The following GNG11 variants were observed in gnomAD, a reference collection of about 807,000 sequenced individuals.
GNG11 encodes the protein G protein subunit gamma 11.
A neutral mutation model predicts 7.4 loss-of-function variants in GNG11; 6 were observed. That is an observed-to-expected ratio of 0.81 (90% confidence interval 0.44 to 1.60). The LOEUF is 1.60. GNG11 is among the 40% of genes most tolerant of loss of function. The pLI is 0.01. For synonymous variants in GNG11, 31 were observed against 25.9 expected, an observed-to-expected ratio of 1.20 and a Z score of -0.60; for missense variants, 65 against 83.0, an observed-to-expected ratio of 0.78 and a Z score of 0.84.
At chr7:93,923,191 G>A (rs1420016040) in intron 1 of GNG11, among the ~76,000 whole-genome samples, 1 of 152,250 alleles carries the variant, frequency 6.6e-6, no homozygotes, top group Non-Finnish European at 1.5e-5. Flanking sequence ...GAAAAACAAT[G>A]GAAATGAAGC....
chr7:93,927,698 G>C lies in GNG11; in HGVS notation c.*1482G>C, dbSNP rs539779329. 2 of 152,198 alleles carry C rather than the reference G, an allele frequency of 1.3e-5. No individual in the cohort carries two copies. The highest frequency in any genetic ancestry group is 4.1e-4 in the South Asian group (2 of 4,828). 9.4% of individuals were successfully genotyped at this position (152,198 alleles called of 1,614,324 possible). A position where few individuals can be genotyped will look rare whatever the true frequency, so the allele number is the denominator to read the frequency against. On this transcript the variant is annotated 3_prime_UTR_variant, in exon 2 of 2. Transcript: ENST00000248564. Reference sequence around the variant, plus strand: ...AAATTCCTTTCCTTTCCCTCTCTGGGAAAGAACAGAATACCCCAGGCTTTT... The same window carrying C: ...AAATTCCTTTCCTTTCCCTCTCTGGCAAAGAACAGAATACCCCAGGCTTTT...
intron 1 of GNG11, among the ~76,000 whole-genome samples, chr7:93,924,381 T>C (rs1029676757): frequency 6.6e-6 from 1 of 152,186 alleles, no homozygotes; most frequent in Non-Finnish European, 1.5e-5. Context: ...GCTGAGAAAT[T>C]AACCTGGGAC....
rs1205679944 is a variant in GNG11 at position 93,925,787 on chromosome 7, G to T, written c.97-304G>T. On this transcript the variant is annotated intron_variant, in intron 1 of 1. Transcript: ENST00000248564. ...ACAATGGAAAAAAACTGCTGGAGATGATTTATTTAATGCAGTGACTTTCAA... is the reference window on the plus strand; with the variant it reads ...ACAATGGAAAAAAACTGCTGGAGATTATTTATTTAATGCAGTGACTTTCAA... Among the ~76,000 whole-genome samples the T allele has an allele frequency of 2.6e-5, 4 of 152,212 alleles. No individual in the cohort carries two copies. The East Asian group carries it at 7.7e-4, about 29-fold the overall frequency.
intron 1 of GNG11, among the ~76,000 whole-genome samples, chr7:93,924,879 G>A (rs1049039872): frequency 6.6e-6 from 1 of 152,138 alleles, no homozygotes; most frequent in African/African-American, 2.4e-5. Flanking sequence ...AAATTTGCTG[G>A]TGCGGCCTGG....
Position 93,922,016 on chromosome 7 carries a change from G to C in GNG11, c.-122G>C. On this transcript the variant is annotated 5_prime_UTR_variant, in exon 1 of 2. Transcript: ENST00000248564. Reference sequence around the variant, plus strand: ...AGCTGGGGACCGCAGCAGGGCTGCAGTCACATCCTGCGCGGGTGGGCGGCG... The same window carrying C: ...AGCTGGGGACCGCAGCAGGGCTGCACTCACATCCTGCGCGGGTGGGCGGCG... The C allele has an allele frequency of 5.2e-6, 3 of 573,238 alleles. No homozygotes were observed. The highest frequency in any genetic ancestry group is 9.3e-6 in the Non-Finnish European group (3 of 320,902). The allele number at this position is 573,238 out of a possible 1,614,324, so 35.5% of individuals were successfully genotyped here. A position where few individuals can be genotyped will look rare whatever the true frequency, so the allele number is the denominator to read the frequency against.
At chr7:93,925,457 G>C (rs146416312) in intron 1 of GNG11, among the ~76,000 whole-genome samples, 78 of 152,160 alleles carry the variant, frequency 5.1e-4, no homozygotes, top group Admixed American at 1.1e-3. Context: ...CTTTTATTAT[G>C]ATCATTGCCC....
chr7:93,923,164 G>T (rs1354881406), intron 1 of GNG11, among the ~76,000 whole-genome samples: 1 of 152,036 alleles, frequency 6.6e-6, no homozygotes, highest in Non-Finnish European at 1.5e-5. Context: ...TTATGGTTTA[G>T]CACTAGAAAA....
rs1401529554 is a variant in GNG11 at position 93,922,086 on chromosome 7, C to T, written c.-52C>T. 1.7e-6 allele frequency: 2 copies of T among 1,209,220 alleles called. No individual in the cohort carries two copies. The highest frequency in any genetic ancestry group is 1.5e-5 in the African/African-American group (1 of 64,958). The allele number at this position is 1,209,220 out of a possible 1,614,324, so 74.9% of individuals were successfully genotyped here. The stretch of plus-strand genomic sequence containing the variant: ...TCGGGACGCGCCGAGCTTCGCCGCT[C>T]TTCCAGCGGCTCCGCTGCCAGAGCT... On this transcript the variant is annotated 5_prime_UTR_variant, in exon 1 of 2. Coordinates refer to ENST00000248564, the MANE Select transcript of GNG11 (RefSeq NM_004126.4).
rs1447320956 is a variant in GNG11 at position 93,927,129 on chromosome 7, C to A, written c.*913C>A. The A allele has an allele frequency of 1.3e-5, 2 of 152,264 alleles. No homozygotes were observed. Among genetic ancestry groups the A allele is most frequent in the African/African-American group, 4.8e-5 (2 of 41,460 alleles). 9.4% of individuals were successfully genotyped at this position (152,264 alleles called of 1,614,324 possible). On this transcript the variant is annotated 3_prime_UTR_variant, in exon 2 of 2. Transcript: ENST00000248564. ...TTTTTTTCTTCTCCTCCAAAGGAAC[C>A]AGTGAATCTTTGCCCACTTTAAAGA... is the stretch of plus-strand genomic sequence containing the variant.
chr7:93,926,124 A>G lies in GNG11; in HGVS notation c.130A>G (p.Ile44Val). Residue 44 changes from isoleucine (I) to valine (V), a missense_variant, in exon 2 of 2, where the codon ATT (isoleucine) becomes GTT (valine). By Grantham distance (29) the Ile-to-Val change is conservative (BLOSUM62 3). Coordinates refer to ENST00000248564, the MANE Select transcript of GNG11 (RefSeq NM_004126.4). Reference sequence around the variant, plus strand: ...ATGTTCTGAAGAAATAAAGAACTATATTGAAGAACGTTCTGGAGAGGATCC... The same window carrying G: ...ATGTTCTGAAGAAATAAAGAACTATGTTGAAGAACGTTCTGGAGAGGATCC... Reference protein sequence around the residue: ...SKCSEEIKNYIEERSGEDPLV... With the variant: ...SKCSEEIKNYVEERSGEDPLV... 1 of 1,548,744 alleles carries G rather than the reference A, an allele frequency of 6.5e-7. No homozygotes were observed. Among genetic ancestry groups the G allele is most frequent in the South Asian group, 1.2e-5 (1 of 84,654 alleles).
chr7:93,925,929 A>T (rs1357977115), intron 1 of GNG11, among the ~76,000 whole-genome samples, 162 bp from the exon 2 acceptor site: 1 of 150,926 alleles, frequency 6.6e-6, no homozygotes, highest in African/African-American at 2.5e-5. Flanking sequence ...TTATATATGT[A>T]TTATATATAT....
rs1449963464 is a variant in GNG11 at position 93,928,058 on chromosome 7, G to A, written c.*1842G>A. 6.6e-6 allele frequency: 1 copy of A among 152,030 alleles called. No individual in the cohort carries two copies. Among genetic ancestry groups the A allele is most frequent in the African/African-American group, 2.4e-5 (1 of 41,300 alleles). The allele number at this position is 152,030 out of a possible 1,614,324, so 9.4% of individuals were successfully genotyped here. On this transcript the variant is annotated 3_prime_UTR_variant, in exon 2 of 2. Transcript: ENST00000248564. ...TATAAAGTTTTCTTCTGTTGCCTAT[G>A]AAAGCAAACATTTATTCCGGTTACT...
chr7:93,922,175 A>G lies in GNG11; in HGVS notation c.38A>G (p.Glu13Gly), dbSNP rs1584099006. 3 of 1,598,284 alleles carry G rather than the reference A, an allele frequency of 1.9e-6. No homozygotes were observed. Among genetic ancestry groups the G allele is most frequent in the South Asian group, 1.1e-5 (1 of 89,078 alleles). Residue 13 changes from glutamate to glycine, a missense_variant, in exon 1 of 2, where the codon GAA (glutamate) becomes GGA (glycine). Glu to Gly is a moderately conservative substitution (Grantham distance 98, BLOSUM62 -2). Coordinates refer to ENST00000248564, the MANE Select transcript of GNG11 (RefSeq NM_004126.4). Reference sequence around the variant, plus strand: ...CACATCGAAGATTTGCCAGAGAAGGAAAAACTGAAAATGGAAGTTGAGCAG... The same window carrying G: ...CACATCGAAGATTTGCCAGAGAAGGGAAAACTGAAAATGGAAGTTGAGCAG... Reference protein sequence around the residue: ...ALHIEDLPEKEKLKMEVEQLR... With the variant: ...ALHIEDLPEKGKLKMEVEQLR...
intron 1 of GNG11, among the ~76,000 whole-genome samples, chr7:93,925,147 G>C (rs1286387625): frequency 6.6e-6 from 1 of 152,152 alleles, no homozygotes; most frequent in Admixed American, 6.5e-5. Flanking sequence ...CTGGGCAATA[G>C]AGCAAGACTC....
At chr7:93,923,841 T>G (rs1466553912) in intron 1 of GNG11, among the ~76,000 whole-genome samples, 2 of 152,134 alleles carry the variant, frequency 1.3e-5, no homozygotes, top group African/African-American at 2.4e-5. Flanking sequence ...TCCAGAAACC[T>G]CAAGTGTATG....
intron 1 of GNG11, among the ~76,000 whole-genome samples, chr7:93,924,212 A>G (rs918277777): frequency 1.3e-5 from 2 of 152,232 alleles, no homozygotes; most frequent in African/African-American, 4.8e-5. Context: ...TGCAAGTTGC[A>G]TTCTGGCTGT....
chr7:93,926,392 G>A lies in GNG11; in HGVS notation c.*176G>A, dbSNP rs1344313047. On this transcript the variant is annotated 3_prime_UTR_variant, in exon 2 of 2. Transcript: ENST00000248564. ...TGTGCTACTCATCTTTGCTCACTAT[G>A]CAGTCTTTTTTAAGAGAGCAGAGAG... is the stretch of plus-strand genomic sequence containing the variant. The A allele has an allele frequency of 2.4e-6, 1 of 414,474 alleles. No homozygotes were observed. The highest frequency in any genetic ancestry group is 4.3e-6 in the Non-Finnish European group (1 of 231,120). 25.7% of individuals were successfully genotyped at this position (414,474 alleles called of 1,614,324 possible).
rs1167147380 is a variant in GNG11, at chr7:93,927,577, C to T, written c.*1361C>T. On this transcript the variant is annotated 3_prime_UTR_variant, in exon 2 of 2. Transcript: ENST00000248564. ...ATGTTTCTCCTTGACTAGCTCTTTT[C>T]TCCCACTTACACATGTAGGTATACC... 1 of 152,198 alleles carries T rather than the reference C, an allele frequency of 6.6e-6. No individual in the cohort carries two copies. Among genetic ancestry groups the T allele is most frequent in the Non-Finnish European group, 1.5e-5 (1 of 68,066 alleles). 9.4% of individuals were successfully genotyped at this position (152,198 alleles called of 1,614,324 possible). A position where few individuals can be genotyped will look rare whatever the true frequency, so the allele number is the denominator to read the frequency against.
rs888822309 is a variant in GNG11 at position 93,928,015 on chromosome 7, G to C, written c.*1799G>C. 6.6e-6 allele frequency: 1 copy of C among 152,178 alleles called. No homozygotes were observed. Among genetic ancestry groups the C allele is most frequent in the Non-Finnish European group, 1.5e-5 (1 of 68,026 alleles). 9.4% of individuals were successfully genotyped at this position (152,178 alleles called of 1,614,324 possible). ...CTGTAAAGTTTTACTTCTATTAGCTGTTTCATTTCTTTGCACTTATAAAGT... is the reference window on the plus strand; with the variant it reads ...CTGTAAAGTTTTACTTCTATTAGCTCTTTCATTTCTTTGCACTTATAAAGT... On this transcript the variant is annotated 3_prime_UTR_variant, in exon 2 of 2. Coordinates refer to ENST00000248564, the MANE Select transcript of GNG11 (RefSeq NM_004126.4).
Sources: gnomAD v4.1 joint callset for allele counts (sites outside exome capture counted in the v4.1 genomes callset) on GRCh38, gnomAD v4.1.1 for gene constraint, MANE v1.5 for transcripts, NCBI Gene and HGNC (gene_info 2026-07-23, HGNC 2026-07-21) for gene names.